ZNF541: variants seen among roughly 807,000 people sequenced by gnomAD.
ZNF541 encodes zinc finger protein 541.
A neutral mutation model predicts 123.5 loss-of-function variants in ZNF541; 23 were observed. The observed-to-expected ratio is 0.19, with a 90% confidence interval of 0.13 to 0.26. The LOEUF (loss-of-function observed/expected upper bound fraction) is 0.26. Among genes scored for constraint, ZNF541 ranks in the 10% least tolerant of loss-of-function variants. ZNF541 has a pLI of 1.00. For missense variants in ZNF541, 1,612 were observed against 1,789.9 expected, an observed-to-expected ratio of 0.90 and a Z score of 1.79; for synonymous variants, 751 against 754.5, an observed-to-expected ratio of 1.00 and a Z score of 0.08.
intron 2 of ZNF541, among the ~76,000 whole-genome samples, chr19:47,569,524 A>T (rs1041408642): frequency 2.1e-4 from 32 of 151,668 alleles, no homozygotes; most frequent in Non-Finnish European, 1.5e-5. Context: ...TGAGACTGGG[A>T]CTCCTGCTTC....
At chr19:47,549,569 A>T (rs2123214461) in intron 3 of ZNF541, 84 bp from the exon 4 acceptor site, 1 of 1,517,878 alleles carries the variant, frequency 6.6e-7, no homozygotes, top group East Asian at 2.5e-5. Flanking sequence ...CACCTCTTAG[A>T]ACCATGGTGG....
At position 47,539,852 on chromosome 19, in the gene ZNF541, C is replaced by T. The variant is rs369268449; in HGVS notation, c.2649G>A (p.Pro883=). The change falls in exon 8 of 17, where the codon CCG becomes CCA. Residue 883 remains proline (P), a synonymous_variant. Transcript: ENST00000391901. ...PQVFGTEFCK[P]LRQVLRPEGD... ...CTTCTGGCCTCAGCACCTGTCTTAG[C>T]GGCTTGCAAAACTCTGTGCCAAACA... The T allele has an allele frequency of 9.2e-6, 14 of 1,521,958 alleles. No individual in the cohort carries two copies. Among genetic ancestry groups the T allele is most frequent in the African/African-American group, 4.2e-5 (3 of 70,746 alleles). The allele number at this position is 1,521,958 out of a possible 1,614,324, so 94.3% of individuals were successfully genotyped here.
At chr19:47,530,163 TTTTC>T (rs200157426) in intron 12 of ZNF541, among the ~76,000 whole-genome samples, 2,064 of 151,166 alleles carry the variant, frequency 0.014, 32 homozygotes, top group Middle Eastern at 0.048. Flanking sequence ...TAGCTAACAA[TTTTC>T]TTTGTTTTTT....
intron 2 of ZNF541, among the ~76,000 whole-genome samples, chr19:47,562,670 A>T (rs1971112898): frequency 6.6e-6 from 1 of 152,234 alleles, no homozygotes. Flanking sequence ...GAGTCATGAA[A>T]ACAAAAAAGC....
At chr19:47,522,834 C>T (rs1375521009) in intron 14 of ZNF541, among the ~76,000 whole-genome samples, 1 of 151,850 alleles carries the variant, frequency 6.6e-6, no homozygotes, top group East Asian at 1.9e-4. Context: ...GCAACCTCCG[C>T]CTCCCGGGTC....
At chr19:47,543,667 G>T (rs1407137714) in intron 5 of ZNF541, among the ~76,000 whole-genome samples, 2 of 149,858 alleles carry the variant, frequency 1.3e-5, no homozygotes, top group East Asian at 1.9e-4. Flanking sequence ...TTAAGACAGG[G>T]TCTTGCTCTG....
At chr19:47,539,092 A>C (rs1331730931) in intron 8 of ZNF541, among the ~76,000 whole-genome samples, 1 of 151,918 alleles carries the variant, frequency 6.6e-6, no homozygotes, top group African/African-American at 2.4e-5. Context: ...CTCTGCTCCC[A>C]GCTCTGCCCA....
chr19:47,553,135 G>A (rs1970676399), intron 3 of ZNF541, among the ~76,000 whole-genome samples: 1 of 151,960 alleles, frequency 6.6e-6, no homozygotes, highest in Non-Finnish European at 1.5e-5. Flanking sequence ...AATAAAAATT[G>A]GCAAGGACAC....
chr19:47,561,190 CTGGCTGGGTGTGG>C (rs1238459268), intron 2 of ZNF541, among the ~76,000 whole-genome samples: 1 of 152,176 alleles, frequency 6.6e-6, no homozygotes, highest in Non-Finnish European at 1.5e-5. Context: ...AGACTGAGCT[CTGGCTGGGTGTGG>C]TGGCTCACAC....
chr19:47,545,269 C>T lies in ZNF541; in HGVS notation c.1260G>A (p.Pro420=). The T allele has an allele frequency of 1.3e-6, 2 of 1,549,290 alleles. No homozygotes were observed. The highest frequency in any genetic ancestry group is 1.2e-5 in the South Asian group (1 of 84,052). ...SHSFQWLRNL[P]GCPKSKGNNV... is the part of the protein sequence containing the mutation. Reference sequence around the variant, plus strand: ...TGTTGCCTTTGCTTTTGGGACAGCCCGGCAGGTTCCGGAGCCACTGGAAGC... The same window carrying T: ...TGTTGCCTTTGCTTTTGGGACAGCCTGGCAGGTTCCGGAGCCACTGGAAGC... The change falls in exon 5 of 17, where the codon CCG becomes CCA. Residue 420 remains proline, a synonymous_variant. Coordinates refer to ENST00000391901, the MANE Select transcript of ZNF541 (RefSeq NM_001277075.3). This position sits in a 1 kb window ranked among gnomAD's most constrained non-coding sequence, Gnocchi z 7.5.
chr19:47,547,440 C>T (rs1038612955), intron 4 of ZNF541, among the ~76,000 whole-genome samples: 11 of 152,270 alleles, frequency 7.2e-5, no homozygotes, highest in African/African-American at 2.6e-4. Flanking sequence ...ACCCTCTGGG[C>T]CCCCAACAGC....
chr19:47,543,268 T>G (rs2123110187), intron 5 of ZNF541, among the ~76,000 whole-genome samples: 1 of 152,006 alleles, frequency 6.6e-6, no homozygotes, highest in East Asian at 1.9e-4. Flanking sequence ...CCCAACTAAT[T>G]TTTTTTAAAT....
At chr19:47,526,496 A>AAAAAAAAAAAAAAAAAAG (rs573697191) in intron 14 of ZNF541, among the ~76,000 whole-genome samples, 2 of 137,362 alleles carry the variant, frequency 1.5e-5, no homozygotes, top group African/African-American at 6.0e-5. Context: ...AAAAAAAAAA[A>AAAAAAAAAAAAAAAAAAG]AAAAGAAAAC....
chr19:47,532,022 C>G, intron 11 of ZNF541, 106 bp downstream of exon 11: 1 of 1,438,224 alleles, frequency 7.0e-7, no homozygotes, highest in South Asian at 1.4e-5. Flanking sequence ...CCAGGGGACA[C>G]TACTTGGATC....
At chr19:47,566,741 T>A (rs1971279347) in intron 2 of ZNF541, among the ~76,000 whole-genome samples, 2 of 144,148 alleles carry the variant, frequency 1.4e-5, no homozygotes, top group African/African-American at 5.2e-5. Context: ...CCAGACTCCA[T>A]CTCAAAAATA....
chr19:47,567,336 C>T (rs1052771747), intron 2 of ZNF541, among the ~76,000 whole-genome samples: 1 of 152,166 alleles, frequency 6.6e-6, no homozygotes, highest in African/African-American at 2.4e-5. Context: ...CAGTTCACTG[C>T]AACCTCCACC....
At chr19:47,531,531 G>T in intron 12 of ZNF541, 111 bp downstream of exon 12, 1 of 755,046 alleles carries the variant, frequency 1.3e-6, no homozygotes, top group Non-Finnish European at 2.0e-6. Flanking sequence ...GAGGATGGGC[G>T]GCCTTCTTCC....
chr19:47,551,330 G>C (rs576265651), intron 3 of ZNF541, among the ~76,000 whole-genome samples: 1 of 151,242 alleles, frequency 6.6e-6, no homozygotes, highest in African/African-American at 2.4e-5. Context: ...GTGAGCCACC[G>C]CGCCCAGCCT....
chr19:47,570,030 T>C (rs1971416927), intron 2 of ZNF541, among the ~76,000 whole-genome samples: 1 of 152,038 alleles, frequency 6.6e-6, no homozygotes, highest in African/African-American at 2.4e-5. Context: ...ATTCCAGCAC[T>C]TTGGGAGGCT....
Sources: gnomAD v4.1 joint callset for allele counts (sites outside exome capture counted in the v4.1 genomes callset) on GRCh38, gnomAD v4.1.1 for gene constraint, Gnocchi (gnomAD v3.1) non-coding constraint, MANE v1.5 for transcripts, NCBI Gene and HGNC (gene_info 2026-07-23, HGNC 2026-07-21) for gene names.